Variants in GK5 observed in about 807,000 individuals in gnomAD.
GK5 encodes the protein glycerol kinase 5.
A neutral mutation model predicts 77.3 loss-of-function variants in GK5; 39 were observed. The ratio of observed to expected loss-of-function variants is 0.50; its 90% confidence interval spans 0.39 to 0.66. GK5 has a LOEUF of 0.66. Among genes scored for constraint, GK5 ranks in the 30% least tolerant of loss-of-function variants. The pLI, the probability that GK5 is intolerant of heterozygous loss-of-function variation, is 0.00. For synonymous variants in GK5, 211 were observed against 208.0 expected (o/e 1.01, Z -0.13); for missense variants, 487 against 633.8 (o/e 0.77, Z 2.49).
intron 11 of GK5, among the ~76,000 whole-genome samples, chr3:142,180,269 G>A (rs2063676284): frequency 1.3e-5 from 2 of 151,966 alleles, no homozygotes; most frequent in South Asian, 2.1e-4. Context: ...AAGATGAGAC[G>A]TTAAGAAAAT....
At position 142,165,543 on chromosome 3, in the gene GK5, T is replaced by C. The variant is rs1193748590; in HGVS notation, c.*79A>G. Reference sequence around the variant, plus strand: ...AATTTTCTCCTCTTAGTCATTGTCATATGGGTTATCCCTGAGCTTCATCTC... The same window carrying C: ...AATTTTCTCCTCTTAGTCATTGTCACATGGGTTATCCCTGAGCTTCATCTC... On this transcript the variant is annotated 3_prime_UTR_variant, in exon 16 of 16. Coordinates refer to ENST00000392993, the MANE Select transcript of GK5 (RefSeq NM_001039547.3). 1.2e-5 allele frequency: 13 copies of C among 1,045,308 alleles called. No homozygotes were observed. The highest frequency in any genetic ancestry group is 2.2e-5 in the South Asian group (1 of 45,344). The allele number at this position is 1,045,308 out of a possible 1,614,324, so 64.8% of individuals were successfully genotyped here. A position where few individuals can be genotyped will look rare whatever the true frequency, so the allele number is the denominator to read the frequency against.
At chr3:142,166,347 C>G (rs2063472538) in intron 15 of GK5, among the ~76,000 whole-genome samples, 1 of 152,080 alleles carries the variant, frequency 6.6e-6, no homozygotes, top group South Asian at 2.1e-4. Flanking sequence ...TTTTGTCTTA[C>G]AGCTTAAGGT....
At chr3:142,189,483 T>C (rs1180885692) in intron 5 of GK5, among the ~76,000 whole-genome samples, 2 of 152,254 alleles carry the variant, frequency 1.3e-5, no homozygotes, top group Non-Finnish European at 2.9e-5. Flanking sequence ...TTCTAAAATT[T>C]GTTCCAGATA....
intron 5 of GK5, among the ~76,000 whole-genome samples, chr3:142,197,222 G>A (rs1269769566): frequency 1.3e-5 from 2 of 151,958 alleles, no homozygotes; most frequent in Non-Finnish European, 1.5e-5. Flanking sequence ...GTGGGGTACT[G>A]AAGTCTCCAA....
At chr3:142,203,987 A>G (rs1328138363) in intron 4 of GK5, among the ~76,000 whole-genome samples, 3 of 152,088 alleles carry the variant, frequency 2.0e-5, no homozygotes, top group African/African-American at 4.8e-5. Flanking sequence ...CATCATTGTC[A>G]TTTACTGATG....
rs2063461753 is a variant in GK5, at chr3:142,165,343, A to G, written c.*279T>C. On this transcript the variant is annotated 3_prime_UTR_variant, in exon 16 of 16. Coordinates refer to ENST00000392993, the MANE Select transcript of GK5 (RefSeq NM_001039547.3). ...AGTATAAAAAGGAAGAGGACCCATA[A>G]CTGTCAAAATGTGGTTGGAAATGAC... is the stretch of plus-strand genomic sequence containing the variant. The G allele has an allele frequency of 1.1e-5, 3 of 269,576 alleles. No individual in the cohort carries two copies. The highest frequency in any genetic ancestry group is 2.3e-4 in the South Asian group (2 of 8,754). 16.7% of individuals were successfully genotyped at this position (269,576 alleles called of 1,614,324 possible).
chr3:142,180,353 A>C (rs1004599963), intron 11 of GK5, among the ~76,000 whole-genome samples: 38 of 149,426 alleles, frequency 2.5e-4, no homozygotes, highest in African/African-American at 9.2e-4. Flanking sequence ...CCCAGGCTGG[A>C]GTGCAATGGC....
Position 142,215,804 on chromosome 3 carries a change from T to C in GK5, c.148-112A>G, listed in dbSNP as rs1045492128. 3 of 578,934 alleles carry C rather than the reference T, an allele frequency of 5.2e-6. No homozygotes were observed. The African/African-American group carries it at 5.8e-5, about 11-fold the overall frequency. The allele number at this position is 578,934 out of a possible 1,614,324, so 35.9% of individuals were successfully genotyped here. The stretch of plus-strand genomic sequence containing the variant: ...TAATTAACATGATTTTATTATCTAA[T>C]TAATTTTTATTGTTAAAATTGAAAA... On this transcript the variant is annotated intron_variant, in intron 1 of 15. Transcript: ENST00000392993.
intron 5 of GK5, among the ~76,000 whole-genome samples, chr3:142,196,348 T>A (rs1392673648): frequency 6.6e-6 from 1 of 151,960 alleles, no homozygotes; most frequent in Non-Finnish European, 1.5e-5. Flanking sequence ...CTTCTGCTTG[T>A]TTTGAATTTA....
chr3:142,214,058 G>A (rs564793077), intron 2 of GK5, among the ~76,000 whole-genome samples: 11 of 152,072 alleles, frequency 7.2e-5, no homozygotes, highest in Non-Finnish European at 1.6e-4. Flanking sequence ...TCCTGACCTC[G>A]GGTGATCCGC....
chr3:142,176,102 T>A (rs1183176698), intron 12 of GK5, among the ~76,000 whole-genome samples: 1 of 152,060 alleles, frequency 6.6e-6, no homozygotes, highest in African/African-American at 2.4e-5. Context: ...TTCCCTCACA[T>A]CATCCTGAAG....
intron 6 of GK5, 102 bp downstream of exon 6, chr3:142,187,602 C>G (rs934516740): frequency 1.4e-5 from 11 of 768,194 alleles, no homozygotes; most frequent in Middle Eastern, 3.5e-4. Context: ...GAGACCCTAG[C>G]TCAAAAAAAA....
chr3:142,221,615 T>C (rs1207618530), intron 1 of GK5, among the ~76,000 whole-genome samples: 1 of 152,216 alleles, frequency 6.6e-6, no homozygotes, highest in Non-Finnish European at 1.5e-5. Flanking sequence ...TGGAGTGACC[T>C]TTCTGTCCTG....
rs1553825247 is a variant in GK5 at position 142,159,853 on chromosome 3, C to CTCTTTTTTTTTTTTTTTTTTTTTTTTTTT, written c.*5768_*5769insAAAAAAAAAAAAAAAAAAAAAAAAAAAGA. 9.4e-6 allele frequency: 1 copy of CTCTTTTTTTTTTTTTTTTTTTTTTTTTTT among 106,122 alleles called. No individual in the cohort carries two copies. The highest frequency in any genetic ancestry group is 4.1e-5 in the African/African-American group (1 of 24,252). The allele number at this position is 106,122 out of a possible 1,614,324, so 6.6% of individuals were successfully genotyped here. The stretch of plus-strand genomic sequence containing the variant: ...TTTCTCTCTCTCTCTCTCTCTCTCT[C>CTCTTTTTTTTTTTTTTTTTTTTTTTTTTT]TTTTTTTTTTTTGAGACAGAGTCTC... On this transcript the variant is annotated 3_prime_UTR_variant, in exon 16 of 16. Coordinates refer to ENST00000392993, the MANE Select transcript of GK5 (RefSeq NM_001039547.3).
At chr3:142,213,777 T>A (rs11926921) in intron 2 of GK5, among the ~76,000 whole-genome samples, 176 bp from the exon 3 acceptor site, 27,432 of 150,354 alleles carry the variant, frequency 0.18, 2,568 homozygotes, top group Middle Eastern at 0.24. Flanking sequence ...TTCTGCAGCA[T>A]TTTTTTTTTA....
chr3:142,189,218 A>C (rs1472683457), intron 5 of GK5, among the ~76,000 whole-genome samples: 14 of 152,212 alleles, frequency 9.2e-5, no homozygotes. Context: ...CAGATGTTCC[A>C]AAAAATACTT....
chr3:142,175,370 C>T (rs1315935762), intron 12 of GK5, among the ~76,000 whole-genome samples: 4 of 152,146 alleles, frequency 2.6e-5, no homozygotes, highest in Non-Finnish European at 5.9e-5. Context: ...CACCCAGTAC[C>T]CCTTTCTCAG....
At chr3:142,177,458 C>A (rs951366025) in intron 12 of GK5, 24 bp downstream of exon 12, 37 of 1,290,496 alleles carry the variant, frequency 2.9e-5, no homozygotes, top group Non-Finnish European at 3.8e-5. Context: ...TTTGTGATTG[C>A]CATTAACTTT....
At chr3:142,219,336 T>C (rs896781290) in intron 1 of GK5, among the ~76,000 whole-genome samples, 22 of 152,166 alleles carry the variant, frequency 1.4e-4, no homozygotes, top group African/African-American at 5.1e-4. Flanking sequence ...ATCACCTAAA[T>C]GTACTTCAAC....
Sources: allele counts gnomAD v4.1 joint callset (sites outside exome capture counted in the v4.1 genomes callset), GRCh38; gene constraint gnomAD v4.1.1; transcripts MANE v1.5; gene names NCBI Gene and HGNC (gene_info 2026-07-23, HGNC 2026-07-21).